The following OCA2 variants were observed in gnomAD, a reference collection of about 807,000 sequenced individuals.
OCA2 encodes P protein.
OCA2 carries 77 observed loss-of-function variants against 100.2 expected under a neutral mutation model. The ratio of observed to expected loss-of-function variants is 0.77; its 90% CI spans 0.64 to 0.93. OCA2 has a LOEUF of 0.93. Among genes scored for constraint, OCA2 ranks in the 40% least tolerant of loss-of-function variants. The pLI is 0.00. For synonymous variants in OCA2, 432 were observed against 439.2 expected (o/e 0.98, Z 0.21); for missense variants, 1,062 against 1,089.1 (o/e 0.98, Z 0.35).
intron 18 of OCA2, among the ~76,000 whole-genome samples, chr15:27,928,653 C>T (rs1194743943): frequency 6.6e-6 from 1 of 152,162 alleles, no homozygotes; most frequent in African/African-American, 2.4e-5. Flanking sequence ...TACTGGCTGT[C>T]ACCCAAAAGC....
intron 19 of OCA2, among the ~76,000 whole-genome samples, chr15:27,920,048 A>G (rs1330252201): frequency 6.6e-6 from 1 of 152,198 alleles, no homozygotes; most frequent in Non-Finnish European, 1.5e-5. Flanking sequence ...GGCCAGGGAA[A>G]GAGACAAAGA....
intron 23 of OCA2, among the ~76,000 whole-genome samples, chr15:27,813,240 G>A (rs2034150283): frequency 2.0e-5 from 3 of 152,148 alleles, no homozygotes; most frequent in Admixed American, 1.3e-4. Flanking sequence ...ATCAGGATGA[G>A]AAATGGGGTG....
At chr15:27,970,008 C>A (rs1468500019) in intron 14 of OCA2, among the ~76,000 whole-genome samples, 2 of 151,634 alleles carry the variant, frequency 1.3e-5, no homozygotes, top group African/African-American at 4.8e-5. Context: ...GTCTAGATGG[C>A]CAGTAAGGAG....
At chr15:27,934,907 C>T (rs1264226522) in intron 18 of OCA2, among the ~76,000 whole-genome samples, 2 of 152,204 alleles carry the variant, frequency 1.3e-5, no homozygotes, top group Non-Finnish European at 2.9e-5. Flanking sequence ...GCCTGCAGAG[C>T]CAGCGGCACT....
intron 3 of OCA2, among the ~76,000 whole-genome samples, chr15:28,029,794 A>G (rs540970881): frequency 6.6e-6 from 1 of 152,346 alleles, no homozygotes; most frequent in Non-Finnish European, 1.5e-5. Flanking sequence ...AACAAAATAA[A>G]GTTGATAAAA....
At chr15:28,041,282 A>C (rs1028844744) in intron 2 of OCA2, among the ~76,000 whole-genome samples, 2 of 151,538 alleles carry the variant, frequency 1.3e-5, no homozygotes, top group Non-Finnish European at 2.9e-5. Context: ...CAACTGATGC[A>C]GGAAAAACAT....
chr15:27,806,081 TTAGAAGATGCCAGTGCCTGGC>T (rs960114777), intron 23 of OCA2, among the ~76,000 whole-genome samples: 7 of 152,124 alleles, frequency 4.6e-5, no homozygotes, highest in Non-Finnish European at 7.4e-5. Context: ...AAGATGAACT[TTAGAAGATGCCAGTGCCTGGC>T]TAATGGCACC....
At chr15:28,064,625 A>G (rs2043969062) in intron 2 of OCA2, among the ~76,000 whole-genome samples, 1 of 151,898 alleles carries the variant, frequency 6.6e-6, no homozygotes, top group South Asian at 2.1e-4. Flanking sequence ...TTTCTTTTTT[A>G]TAATTTCTAT....
intron 23 of OCA2, among the ~76,000 whole-genome samples, chr15:27,832,552 G>C (rs2035002702): frequency 1.3e-5 from 2 of 152,148 alleles, no homozygotes; most frequent in Non-Finnish European, 2.9e-5. Context: ...CAGCTCACCT[G>C]CTCAGGGCTG....
intron 18 of OCA2, among the ~76,000 whole-genome samples, chr15:27,931,628 G>A (rs529812384): frequency 2.0e-5 from 3 of 148,910 alleles, no homozygotes; most frequent in South Asian, 2.2e-4. Context: ...GAGCCACCAC[G>A]CCCAGCCTGT....
chr15:27,913,898 AGC>A (rs766049563), intron 19 of OCA2, among the ~76,000 whole-genome samples: 2,044 of 38,896 alleles, frequency 0.053, 196 homozygotes, highest in East Asian at 0.19. Flanking sequence ...AAAGAAAGCA[AGC>A]AAGCAAGCAA....
chr15:27,799,961 GAA>G (rs1256991432), intron 23 of OCA2, among the ~76,000 whole-genome samples: 7 of 152,142 alleles, frequency 4.6e-5, no homozygotes, highest in Non-Finnish European at 1.0e-4. Flanking sequence ...CAGAGCACAT[GAA>G]ACCTCACAGA....
chr15:27,868,043 T>G (rs2036393006), intron 21 of OCA2, among the ~76,000 whole-genome samples: 1 of 152,194 alleles, frequency 6.6e-6, no homozygotes, highest in Non-Finnish European at 1.5e-5. Context: ...TCCTGGCTCC[T>G]GTGTGTCAGC....
At chr15:27,980,769 G>C (rs190532288) in intron 14 of OCA2, among the ~76,000 whole-genome samples, 1 of 151,892 alleles carries the variant, frequency 6.6e-6, no homozygotes, top group African/African-American at 2.4e-5. Context: ...CTGTTTCCTC[G>C]CCTGTAACAT....
Position 27,983,247 on chromosome 15 carries a change from T to C in OCA2, c.1503+98A>G, listed in dbSNP as rs943735693. The C allele has an allele frequency of 6.9e-6, 10 of 1,447,730 alleles. 1 individual carries two copies. Among genetic ancestry groups the C allele is most frequent in the Admixed American group, 5.1e-5 (3 of 59,220 alleles). 89.7% of individuals were successfully genotyped at this position (1,447,730 alleles called of 1,614,324 possible). A position where few individuals can be genotyped will look rare whatever the true frequency, so the allele number is the denominator to read the frequency against. On this transcript the variant is annotated intron_variant, in intron 14 of 23. Transcript: ENST00000354638. ...CACTTACTGTGAAGAGGTGGCGTGA[T>C]GATCTTGATTTCTAACAAAGGCGTC... is the stretch of plus-strand genomic sequence containing the variant.
chr15:28,058,299 G>C (rs973449712), intron 2 of OCA2, among the ~76,000 whole-genome samples: 1 of 152,232 alleles, frequency 6.6e-6, no homozygotes, highest in Non-Finnish European at 1.5e-5. Flanking sequence ...GGGCCTGGCT[G>C]CTGCCACCCT....
In OCA2 at chr15:28,014,841, C is replaced by T. The variant is rs749321625; in HGVS notation, c.979G>A (p.Val327Ile). 3.1e-6 allele frequency: 5 copies of T among 1,614,138 alleles called. No homozygotes were observed. The highest frequency in any genetic ancestry group is 1.7e-5 in the Admixed American group (1 of 60,024). Residue 327 changes from valine to isoleucine, a missense_variant, in exon 9 of 24, where the codon GTA becomes ATA. Coordinates refer to ENST00000354638, the MANE Select transcript of OCA2 (RefSeq NM_000275.3). Reference protein sequence around the residue: ...LMAHQYLRGSVETQVTIATAI... With the variant: ...LMAHQYLRGSIETQVTIATAI... ...GTCGCGATGGTCACCTGGGTTTCTACACTTCCGCGGAGGTACTGATGAGCC... is the reference window on the plus strand; with the variant it reads ...GTCGCGATGGTCACCTGGGTTTCTATACTTCCGCGGAGGTACTGATGAGCC...
At chr15:27,961,787 G>T (rs189672734) in intron 15 of OCA2, among the ~76,000 whole-genome samples, 1 of 152,020 alleles carries the variant, frequency 6.6e-6, no homozygotes, top group Non-Finnish European at 1.5e-5. Context: ...ATCACACACC[G>T]GGGGCTGTCG....
At chr15:28,005,858 T>C (rs2042076546) in intron 9 of OCA2, among the ~76,000 whole-genome samples, 1 of 152,194 alleles carries the variant, frequency 6.6e-6, no homozygotes, top group South Asian at 2.1e-4. Flanking sequence ...ACATAGATGA[T>C]GAAAACATAG....
Sources: gnomAD v4.1 joint callset for allele counts (sites outside exome capture counted in the v4.1 genomes callset) on GRCh38, gnomAD v4.1.1 for gene constraint, MANE v1.5 for transcripts, NCBI Gene and HGNC (gene_info 2026-07-23, HGNC 2026-07-21) for gene names.